The following USP40 variants were observed in gnomAD, a reference collection of about 807,000 sequenced individuals.
USP40 encodes the protein ubiquitin specific peptidase 40, also known as ubiquitin carboxyl-terminal hydrolase 40.
In USP40, 143 loss-of-function variants were observed where a neutral mutation model predicts 166.2. The ratio of observed to expected loss-of-function variants is 0.86; its 90% CI spans 0.75 to 0.99. The LOEUF is 0.99. Among genes scored for constraint, USP40 ranks in the 50% least tolerant of loss-of-function variants. The pLI is 0.00. For missense variants in USP40, 1,444 were observed against 1,479.7 expected (o/e 0.98, Z 0.40); for synonymous variants, 498 against 524.0 (o/e 0.95, Z 0.68).
intron 8 of USP40, among the ~76,000 whole-genome samples, chr2:233,548,211 C>G (rs1310449322): frequency 6.6e-6 from 1 of 152,034 alleles, no homozygotes; most frequent in Non-Finnish European, 1.5e-5. Context: ...CTAGGAAGAT[C>G]AAAGTTTTAA....
In USP40 at chr2:233,493,394, A is replaced by G. The variant is rs906720135; in HGVS notation, c.2917+31T>C. 3.7e-6 allele frequency: 6 copies of G among 1,613,896 alleles called. No individual in the cohort carries two copies. Among genetic ancestry groups the G allele is most frequent in the Non-Finnish European group, 5.1e-6 (6 of 1,179,872 alleles). On this transcript the variant is annotated intron_variant, in intron 25 of 31. Transcript: ENST00000678225. This position sits in a 1 kb window ranked among gnomAD's most constrained non-coding sequence, Gnocchi z 4.7. Reference sequence around the variant, plus strand: ...GTCAATTTACTTCTCTTTATGATGCACTGGCTGCTGAAATCCCATTCTGTT... The same window carrying G: ...GTCAATTTACTTCTCTTTATGATGCGCTGGCTGCTGAAATCCCATTCTGTT...
chr2:233,524,760 G>A (rs2067898363), intron 14 of USP40, among the ~76,000 whole-genome samples, 198 bp from the exon 15 acceptor site: 1 of 152,154 alleles, frequency 6.6e-6, no homozygotes, highest in Non-Finnish European at 1.5e-5. Context: ...TTGTGAGCAT[G>A]GTGGCAGGAC....
At chr2:233,519,442 T>C in intron 18 of USP40, 172 bp downstream of exon 18, 1 of 530,854 alleles carries the variant, frequency 1.9e-6, no homozygotes. Context: ...TAACTTCATT[T>C]ATAATGTTTC....
chr2:233,548,582 A>G (rs1022613908), intron 8 of USP40, among the ~76,000 whole-genome samples: 6 of 152,094 alleles, frequency 3.9e-5, no homozygotes, highest in African/African-American at 1.4e-4. Context: ...TTGACACTAG[A>G]GTGGGGGAAA....
rs1192197694 is a variant in USP40, at chr2:233,565,475, T to G, written c.80A>C (p.Lys27Thr). 9 of 1,537,146 alleles carry G rather than the reference T, an allele frequency of 5.9e-6. No homozygotes were observed. The highest frequency in any genetic ancestry group is 7.8e-6 in the Non-Finnish European group (9 of 1,146,782). ...QYGKGKKLKT[K>T]ALEPPAPREF... is the part of the protein sequence containing the mutation. ...TCTAGGAGCAGGTGGCTCCAAAGCT[T>G]TAGTCTTTAATTTCTTCCCTTTTCC... Residue 27 changes from lysine (K) to threonine (T), a missense_variant, in exon 2 of 32, where the codon AAA (lysine) becomes ACA (threonine). Lys to Thr is a moderately conservative substitution (Grantham distance 78). Transcript: ENST00000678225.
At chr2:233,557,135 TATAAGAA>T in intron 4 of USP40, 116 bp from the exon 5 acceptor site, 1 of 917,328 alleles carries the variant, frequency 1.1e-6, no homozygotes, top group Non-Finnish European at 1.6e-6. Flanking sequence ...GAAGATCAGA[TATAAGAA>T]TGACTCAGCA....
In USP40 at chr2:233,477,361, T is replaced by A. The variant is rs745491467; in HGVS notation, c.*31A>T. 29 of 1,602,962 alleles carry A rather than the reference T, an allele frequency of 1.8e-5. No homozygotes were observed. The highest frequency in any genetic ancestry group is 2.5e-5 in the Non-Finnish European group (29 of 1,172,054). On this transcript the variant is annotated 3_prime_UTR_variant, in exon 32 of 32. Transcript: ENST00000678225. ...ACGTTTGTGGCATCAGCCGGAGAGT[T>A]CATCGGGAGTAGAGCCGTGCAGCGG... is the stretch of plus-strand genomic sequence containing the variant.
chr2:233,480,461 G>A lies in USP40; in HGVS notation c.3599+742C>T, dbSNP rs1436618850. 6.6e-6 allele frequency among the ~76,000 whole-genome samples: 1 copy of A among 152,186 alleles called. No homozygotes were observed. Among genetic ancestry groups the A allele is most frequent in the African/African-American group, 2.4e-5 (1 of 41,452 alleles). On this transcript the variant is annotated intron_variant, in intron 31 of 31. Coordinates refer to ENST00000678225, the MANE Select transcript of USP40 (RefSeq NM_001365479.2). This position sits in a 1 kb window ranked among gnomAD's most constrained non-coding sequence, Gnocchi z 4.5. Reference sequence around the variant, plus strand: ...CTGGGACTTGTGGTGGTGGTGAGCTGAGCAGTGCGAACTGAGCCTCACGCC... The same window carrying A: ...CTGGGACTTGTGGTGGTGGTGAGCTAAGCAGTGCGAACTGAGCCTCACGCC...
At position 233,493,584 on chromosome 2, in the gene USP40, T is replaced by G; in HGVS notation, c.2791-33A>C. 8.9e-6 allele frequency: 14 copies of G among 1,576,660 alleles called. No individual in the cohort carries two copies. The highest frequency in any genetic ancestry group is 1.2e-5 in the Non-Finnish European group (14 of 1,158,906). ...ATGGAGCATGTTTAACTGCTGTGAT[T>G]ACAAAGATTAAGTGAAACTCTACTT... On this transcript the variant is annotated intron_variant, in intron 24 of 31. Coordinates refer to ENST00000678225, the MANE Select transcript of USP40 (RefSeq NM_001365479.2). The surrounding 1 kb of genome is among the most constrained non-coding windows in gnomAD (Gnocchi z 4.7).
chr2:233,533,469 C>G lies in USP40; in HGVS notation c.1471+10G>C. ...AACTGAAACAAATAGGAACATTTTTCTTTCCATACCTTCAGGGGGTCTCTG... is the reference window on the plus strand; with the variant it reads ...AACTGAAACAAATAGGAACATTTTTGTTTCCATACCTTCAGGGGGTCTCTG... On this transcript the variant is annotated intron_variant, in intron 11 of 31. Coordinates refer to ENST00000678225, the MANE Select transcript of USP40 (RefSeq NM_001365479.2). 1 of 1,599,576 alleles carries G rather than the reference C, an allele frequency of 6.3e-7. No homozygotes were observed. The highest frequency in any genetic ancestry group is 8.5e-7 in the Non-Finnish European group (1 of 1,172,332).
At chr2:233,518,221 A>T (rs562039392) in intron 18 of USP40, among the ~76,000 whole-genome samples, 1,343 of 124,850 alleles carry the variant, frequency 0.011, 18 homozygotes, top group South Asian at 0.029. Context: ...TTTTTTTTTT[A>T]AAAGTCAAAA....
At chr2:233,510,004 TACAA>T (rs1398065484) in intron 21 of USP40, 41 bp downstream of exon 21, 2 of 1,458,246 alleles carry the variant, frequency 1.4e-6, no homozygotes, top group African/African-American at 2.8e-5. Flanking sequence ...ACAGCAAACA[TACAA>T]ACACACACAG....
At chr2:233,481,149 G>A in intron 31 of USP40, 54 bp downstream of exon 31, 12 of 1,480,122 alleles carry the variant, frequency 8.1e-6, no homozygotes, top group Non-Finnish European at 1.1e-5. Flanking sequence ...AGGAATAAGA[G>A]AGAGTCAGAG....
rs1332010910 is a variant in USP40, at chr2:233,486,974, G to A, written c.3198-997C>T. Among the ~76,000 whole-genome samples, 1 of 152,212 alleles carries A rather than the reference G, an allele frequency of 6.6e-6. No individual in the cohort carries two copies. Among genetic ancestry groups the A allele is most frequent in the Non-Finnish European group, 1.5e-5 (1 of 68,032 alleles). The stretch of plus-strand genomic sequence containing the variant: ...GGAGGGACTAGAGGCCTCCTTGAGA[G>A]CAGGAGTGCCCTGGAAGTTGGTCAA... On this transcript the variant is annotated intron_variant, in intron 28 of 31. Coordinates refer to ENST00000678225, the MANE Select transcript of USP40 (RefSeq NM_001365479.2). This position sits in a 1 kb window ranked among gnomAD's most constrained non-coding sequence, Gnocchi z 4.0.
chr2:233,544,574 T>C (rs1339069744), intron 8 of USP40, among the ~76,000 whole-genome samples: 1 of 152,080 alleles, frequency 6.6e-6, no homozygotes, highest in African/African-American at 2.4e-5. Context: ...TTCATTAACA[T>C]CAACTCAGGT....
intron 6 of USP40, 33 bp downstream of exon 6, chr2:233,554,347 G>A (rs746980293): frequency 1.9e-6 from 3 of 1,572,982 alleles, no homozygotes; most frequent in Non-Finnish European, 2.6e-6. Flanking sequence ...TACAAAGTGG[G>A]GACCCTGGGA....
chr2:233,504,997 T>C lies in USP40; in HGVS notation c.2613+5052A>G, dbSNP rs149984727. Among the ~76,000 whole-genome samples, 979 of 152,178 alleles carry C rather than the reference T, an allele frequency of 6.4e-3. 4 individuals carry two copies. The highest frequency in any genetic ancestry group is 0.022 in the African/African-American group (925 of 41,554). ...AATACATTTAACAAGACAGAGATCA[T>C]ATCAAGTATTTTTTCTAACCACGAT... is the stretch of plus-strand genomic sequence containing the variant. On this transcript the variant is annotated intron_variant, in intron 21 of 31. Transcript: ENST00000678225.
At chr2:233,478,359 G>A (rs947128811) in intron 31 of USP40, among the ~76,000 whole-genome samples, 2 of 152,174 alleles carry the variant, frequency 1.3e-5, no homozygotes, top group Non-Finnish European at 2.9e-5. Flanking sequence ...CCACTTTAGT[G>A]TTGCCAATAG....
chr2:233,547,976 C>T (rs554985809), intron 8 of USP40, among the ~76,000 whole-genome samples: 13 of 151,818 alleles, frequency 8.6e-5, no homozygotes, highest in Non-Finnish European at 1.9e-4. Context: ...AGACTTATTA[C>T]AAAGCTATGG....
Sources: allele counts gnomAD v4.1 joint callset (sites outside exome capture counted in the v4.1 genomes callset), GRCh38; gene constraint gnomAD v4.1.1; non-coding constraint Gnocchi (gnomAD v3.1); transcripts MANE v1.5; gene names NCBI Gene and HGNC (gene_info 2026-07-23, HGNC 2026-07-21).